NYAP2: variants seen among roughly 807,000 people sequenced by gnomAD.
NYAP2 encodes neuronal tyrosine-phosphorylated phosphoinositide-3-kinase adaptor 2, also known as neuronal tyrosine-phosphorylated phosphoinositide-3-kinase adapter 2.
NYAP2 carries 23 observed loss-of-function variants against 50.4 expected under a neutral mutation model. That is an observed-to-expected ratio of 0.46 (90% CI 0.33 to 0.65). The LOEUF (loss-of-function observed/expected upper bound fraction) is 0.65. Among genes scored for constraint, NYAP2 ranks in the 30% least tolerant of loss-of-function variants. The probability of loss-of-function intolerance (pLI) is 0.02; values close to 1 mark genes in which losing one functional copy is unlikely to be tolerated. For synonymous variants in NYAP2, 394 were observed against 365.2 expected, an observed-to-expected ratio of 1.08 and a Z score of -0.90; for missense variants, 885 against 861.0, an observed-to-expected ratio of 1.03 and a Z score of -0.35.
chr2:225,678,250 C>T, the NYAP2 span, among the ~76,000 whole-genome samples: 70 of 151,992 alleles, frequency 4.6e-4, no homozygotes, highest in East Asian at 3.9e-3. Context: ...TCTGTGGGAG[C>T]GGTTGTAAGG....
At chr2:225,454,605 G>C (rs886549605) in intron 3 of NYAP2, among the ~76,000 whole-genome samples, 3 of 152,182 alleles carry the variant, frequency 2.0e-5, no homozygotes, top group Non-Finnish European at 4.4e-5. Context: ...AGGCAAGAGA[G>C]TATTACTACT....
intron 2 of NYAP2, among the ~76,000 whole-genome samples, chr2:225,406,564 G>GA (rs904001041): frequency 4.0e-5 from 6 of 151,090 alleles, no homozygotes; most frequent in Admixed American, 2.0e-4. Flanking sequence ...ACAAATACTT[G>GA]AAAAAAAAGA....
chr2:225,692,123 C>T, the NYAP2 span, among the ~76,000 whole-genome samples: 2 of 152,100 alleles, frequency 1.3e-5, no homozygotes, highest in South Asian at 4.1e-4. Context: ...TGCTCTGTCT[C>T]CTAGGCCTTT....
At chr2:225,524,734 A>C (rs139787454) in intron 4 of NYAP2, among the ~76,000 whole-genome samples, 1 of 152,296 alleles carries the variant, frequency 6.6e-6, no homozygotes, top group East Asian at 1.9e-4. Context: ...AACAAAAACA[A>C]AACTAGACAA....
chr2:225,589,715 A>G (rs940199541), intron 5 of NYAP2, among the ~76,000 whole-genome samples: 3 of 151,710 alleles, frequency 2.0e-5, no homozygotes, highest in Non-Finnish European at 4.4e-5. Context: ...AAAATAAATT[A>G]CATTTCGTTT....
exon 7 of NYAP2, chr2:225,651,502 C>T (rs878920237): frequency 6.2e-7 from 1 of 1,613,956 alleles, no homozygotes; most frequent in South Asian, 1.1e-5. Flanking sequence ...CAGTCACTCC[C>T]CTCAGGCAAA....
At chr2:225,612,996 C>G (rs941231796) in intron 5 of NYAP2, among the ~76,000 whole-genome samples, 2 of 152,126 alleles carry the variant, frequency 1.3e-5, no homozygotes, top group African/African-American at 4.8e-5. Flanking sequence ...GTGTATTAGT[C>G]AAGTTTCTCC....
At chr2:225,587,094 G>C (rs577334702) in intron 5 of NYAP2, among the ~76,000 whole-genome samples, 1 of 152,290 alleles carries the variant, frequency 6.6e-6, no homozygotes, top group South Asian at 2.1e-4. Context: ...CACAAGAACA[G>C]CATGGGGAAA....
At chr2:225,441,908 A>G (rs539968671) in intron 3 of NYAP2, among the ~76,000 whole-genome samples, 2 of 152,350 alleles carry the variant, frequency 1.3e-5, no homozygotes, top group East Asian at 3.9e-4. Context: ...TGTCATACAT[A>G]CCCATGTACT....
intron 4 of NYAP2, among the ~76,000 whole-genome samples, chr2:225,515,312 C>A (rs1409399819): frequency 1.3e-5 from 2 of 152,210 alleles, no homozygotes; most frequent in Admixed American, 6.5e-5. Flanking sequence ...TGTATTTTCA[C>A]TTCTTCTATT....
chr2:225,423,247 G>A (rs1159698958), intron 3 of NYAP2, among the ~76,000 whole-genome samples: 4 of 152,138 alleles, frequency 2.6e-5, no homozygotes, highest in East Asian at 1.9e-4. Flanking sequence ...AATGCCATGC[G>A]GCTTGTGGAT....
At chr2:225,564,942 C>A (rs1427381377) in intron 4 of NYAP2, among the ~76,000 whole-genome samples, 1 of 151,978 alleles carries the variant, frequency 6.6e-6, no homozygotes, top group Non-Finnish European at 1.5e-5. Flanking sequence ...CCAGCCTGGG[C>A]AACATGGTGA....
At chr2:225,619,525 G>A (rs1227710341) in intron 5 of NYAP2, among the ~76,000 whole-genome samples, 1 of 152,154 alleles carries the variant, frequency 6.6e-6, no homozygotes, top group Non-Finnish European at 1.5e-5. Context: ...AGAGATTCTG[G>A]TAAAACCCAC....
intron 3 of NYAP2, among the ~76,000 whole-genome samples, chr2:225,460,318 T>C (rs926785978): frequency 6.6e-6 from 1 of 152,234 alleles, no homozygotes; most frequent in Admixed American, 6.5e-5. Context: ...TCATGGTAGA[T>C]TATTTTTACT....
rs1212462599 is a variant in NYAP2 at position 225,641,563 on chromosome 2, C to T, written c.1829-9869C>T. On this transcript the variant is annotated intron_variant, in intron 6 of 6. Coordinates refer to ENST00000636099, the Ensembl canonical transcript of NYAP2. ...GGTGCGGTGGCTCACGTCCGTTATC[C>T]CAGCACTTTGGGAGGCCGAGGTGGG... is the stretch of plus-strand genomic sequence containing the variant. Among the ~76,000 whole-genome samples, 5 of 151,698 alleles carry T rather than the reference C, an allele frequency of 3.3e-5. No individual in the cohort carries two copies. In the South Asian group the frequency reaches 1.0e-3, roughly 32 times the overall value.
chr2:225,416,580 G>T (rs1695126440), intron 3 of NYAP2, among the ~76,000 whole-genome samples: 1 of 151,906 alleles, frequency 6.6e-6, no homozygotes, highest in African/African-American at 2.4e-5. Context: ...AGACAATCCT[G>T]GGTTTTTCAT....
At chr2:225,452,066 A>C (rs150330217) in intron 3 of NYAP2, among the ~76,000 whole-genome samples, 120 of 152,302 alleles carry the variant, frequency 7.9e-4, no homozygotes, top group African/African-American at 2.8e-3. Context: ...CTTAACACCA[A>C]TTACCAGGAA....
At chr2:225,622,312 G>A (rs888056975) in intron 5 of NYAP2, among the ~76,000 whole-genome samples, 8 of 151,284 alleles carry the variant, frequency 5.3e-5, no homozygotes, top group Admixed American at 1.3e-4. Context: ...GATCACAGGC[G>A]TGAGGCATTG....
chr2:225,651,479 G>C, exon 7 of NYAP2: 1 of 1,613,968 alleles, frequency 6.2e-7, no homozygotes, highest in Non-Finnish European at 8.5e-7. Flanking sequence ...GACGTCAGGT[G>C]TGCCTCCTCC....
Sources: gnomAD v4.1 joint callset for allele counts (sites outside exome capture counted in the v4.1 genomes callset) on GRCh38, gnomAD v4.1.1 for gene constraint, MANE v1.5 for transcripts, NCBI Gene and HGNC (gene_info 2026-07-23, HGNC 2026-07-21) for gene names.